Variants in TSG101 observed in about 807,000 individuals in gnomAD.
TSG101 encodes the protein tumor susceptibility gene 101 protein.
A neutral mutation model predicts 48.5 loss-of-function variants in TSG101; 19 were observed. The observed-to-expected ratio is 0.39, with a 90% CI of 0.27 to 0.58. The LOEUF (loss-of-function observed/expected upper bound fraction) is 0.58. TSG101 is among the 20% of genes least tolerant of loss of function. The probability of loss-of-function intolerance (pLI) is 0.55; values close to 1 mark genes in which losing one functional copy is unlikely to be tolerated. For synonymous variants in TSG101, 174 were observed against 169.4 expected (o/e 1.03, Z -0.21); for missense variants, 365 against 484.4 (o/e 0.75, Z 2.31).
At chr11:18,518,940 G>A (rs928370851) in intron 2 of TSG101, among the ~76,000 whole-genome samples, 1 of 152,048 alleles carries the variant, frequency 6.6e-6, no homozygotes, top group African/African-American at 2.4e-5. Flanking sequence ...TTGGGAAATG[G>A]ACTAAATTAT....
chr11:18,485,504 G>C (rs1849607090), intron 7 of TSG101, among the ~76,000 whole-genome samples: 1 of 152,188 alleles, frequency 6.6e-6, no homozygotes, highest in Non-Finnish European at 1.5e-5. Context: ...AGGAGTCCTA[G>C]AGAAAAGGCC....
In TSG101 at chr11:18,516,166, TGAAAG is replaced by T. The variant is rs1565094221; in HGVS notation, c.128-7_128-3del. ...CCCTGGAACTGCCATCGTTAAAAAC[TGAAAG>T]GAAAGAACAATGATTTAATCATGAG... On this transcript the variant is annotated splice_region_variant and splice_polypyrimidine_tract_variant and intron_variant, in intron 2 of 9. Coordinates refer to ENST00000251968, the MANE Select transcript of TSG101 (RefSeq NM_006292.4). The T allele has an allele frequency of 1.9e-6, 3 of 1,613,530 alleles. No homozygotes were observed. The highest frequency in any genetic ancestry group is 2.5e-6 in the Non-Finnish European group (3 of 1,179,640).
intron 2 of TSG101, among the ~76,000 whole-genome samples, chr11:18,518,772 G>A (rs1405238429): frequency 2.6e-5 from 4 of 151,844 alleles, no homozygotes; most frequent in Admixed American, 1.3e-4. Flanking sequence ...ATTCTTGCTC[G>A]TCTCGGTGAT....
In TSG101 at chr11:18,517,147, G is replaced by A. The variant is rs949493511; in HGVS notation, c.128-983C>T. On this transcript the variant is annotated intron_variant, in intron 2 of 9. Coordinates refer to ENST00000251968, the MANE Select transcript of TSG101 (RefSeq NM_006292.4). ...AGCAATCCTCCCACCTCAGCCTTCCGTGTAGCTGGGACTACAGGCGTGCAC... is the reference window on the plus strand; with the variant it reads ...AGCAATCCTCCCACCTCAGCCTTCCATGTAGCTGGGACTACAGGCGTGCAC... Among the ~76,000 whole-genome samples, 6 of 150,456 alleles carry A rather than the reference G, an allele frequency of 4.0e-5. No homozygotes were observed. In the East Asian group the frequency reaches 5.9e-4, roughly 15 times the overall value.
chr11:18,499,274 T>A (rs1849837778), intron 7 of TSG101, among the ~76,000 whole-genome samples: 1 of 131,850 alleles, frequency 7.6e-6, no homozygotes, highest in South Asian at 2.3e-4. Context: ...TTTATATATA[T>A]TTATATATAT....
intron 7 of TSG101, among the ~76,000 whole-genome samples, chr11:18,487,107 C>T (rs1411005925): frequency 4.3e-5 from 5 of 115,176 alleles, no homozygotes; most frequent in Non-Finnish European, 6.7e-5. Flanking sequence ...CATCACACAT[C>T]GGGACCTGTT....
chr11:18,505,518 G>T (rs1390423244), intron 6 of TSG101, among the ~76,000 whole-genome samples: 1 of 152,082 alleles, frequency 6.6e-6, no homozygotes, highest in African/African-American at 2.4e-5. Context: ...CTCCCAAAGT[G>T]CTGGGTGGGA....
At chr11:18,521,557 C>A (rs189644428) in intron 1 of TSG101, among the ~76,000 whole-genome samples, 32 of 150,502 alleles carry the variant, frequency 2.1e-4, no homozygotes, top group Middle Eastern at 3.5e-3. Flanking sequence ...TTCATAGAGA[C>A]AGGATCTCAC....
chr11:18,516,565 C>T (rs1032682511), intron 2 of TSG101, among the ~76,000 whole-genome samples: 1 of 151,948 alleles, frequency 6.6e-6, no homozygotes, highest in African/African-American at 2.4e-5. Flanking sequence ...AGGCTGGTCT[C>T]GAACTCCTAA....
chr11:18,526,554 TTTG>T (rs1349010472), intron 1 of TSG101, among the ~76,000 whole-genome samples: 1 of 152,236 alleles, frequency 6.6e-6, no homozygotes, highest in Non-Finnish European at 1.5e-5. Flanking sequence ...GCTCCACGCC[TTTG>T]TTGACTGTCG....
At chr11:18,482,833 G>C (rs898298772) in intron 8 of TSG101, among the ~76,000 whole-genome samples, 2 of 152,322 alleles carry the variant, frequency 1.3e-5, no homozygotes. Flanking sequence ...AAGATGTGCA[G>C]ATCTTTATCA....
chr11:18,512,754 C>T (rs1171905199), intron 4 of TSG101, among the ~76,000 whole-genome samples: 1 of 127,616 alleles, frequency 7.8e-6, no homozygotes, highest in Non-Finnish European at 1.6e-5. Context: ...GAGACAGTCT[C>T]TCTCACTCTG....
Position 18,481,740 on chromosome 11 carries a change from A to T in TSG101, c.973T>A (p.Tyr325Asn). The T allele has an allele frequency of 6.2e-7, 1 of 1,614,202 alleles. No homozygotes were observed. Among genetic ancestry groups the T allele is most frequent in the Non-Finnish European group, 8.5e-7 (1 of 1,180,030 alleles). Residue 325 changes from tyrosine to asparagine, a missense_variant, in exon 9 of 10, where the codon TAC becomes AAC. By Grantham distance (143) the Tyr-to-Asn change is moderately radical. Coordinates refer to ENST00000251968, the MANE Select transcript of TSG101 (RefSeq NM_006292.4). ...DEVIIPTAPL[Y>N]KQILNLYAEE... Reference sequence around the variant, plus strand: ...GCATACAGATTCAGGATCTGTTTGTATAAGGGAGCTGTGGGAATGATAACT... The same window carrying T: ...GCATACAGATTCAGGATCTGTTTGTTTAAGGGAGCTGTGGGAATGATAACT...
At chr11:18,488,246 TTTTC>T (rs1307123496) in intron 7 of TSG101, among the ~76,000 whole-genome samples, 9 of 152,220 alleles carry the variant, frequency 5.9e-5, no homozygotes, top group Admixed American at 2.6e-4. Flanking sequence ...TTTTTGTTTT[TTTTC>T]TTTTTTTGGT....
Position 18,519,551 on chromosome 11 carries a change from T to A in TSG101, c.95A>T (p.Tyr32Phe). ...ATCCAAAACAGGTTTGAGATCTTTG[T>A]ATAGAGTAATAACATTGACAGTTTC... ...VRETVNVITLYKDLKPVLDSY... is the reference protein window; with the variant it reads ...VRETVNVITLFKDLKPVLDSY... The change falls in exon 2 of 10, where the codon TAC (tyrosine) becomes TTC (phenylalanine). Residue 32 changes from tyrosine (Y) to phenylalanine (F), a missense_variant. Physicochemically the swap from Tyr to Phe is conservative, Grantham distance 22. Transcript: ENST00000251968. The A allele has an allele frequency of 6.2e-7, 1 of 1,613,026 alleles. No individual in the cohort carries two copies. The highest frequency in any genetic ancestry group is 8.5e-7 in the Non-Finnish European group (1 of 1,179,670).
intron 3 of TSG101, 134 bp from the exon 4 acceptor site, chr11:18,514,975 G>C: frequency 1.2e-6 from 1 of 809,306 alleles, no homozygotes; most frequent in Non-Finnish European, 1.8e-6. Context: ...ATTTCCCCCA[G>C]CAGAATTTAT....
At chr11:18,481,183 TCATA>T (rs1849532559) in intron 9 of TSG101, 4 of 720,454 alleles carry the variant, frequency 5.6e-6, no homozygotes, top group Non-Finnish European at 6.8e-6. Flanking sequence ...GAGACAACTT[TCATA>T]CAAGAGGGCT....
intron 4 of TSG101, chr11:18,511,478 C>T (rs189375519): frequency 1.3e-5 from 2 of 152,202 alleles, no homozygotes; most frequent in African/African-American, 2.4e-5. Flanking sequence ...TATACTGAGA[C>T]TCGGGGTGTT....
intron 7 of TSG101, among the ~76,000 whole-genome samples, chr11:18,498,041 T>C (rs1032048482): frequency 4.0e-5 from 6 of 148,828 alleles, no homozygotes; most frequent in African/African-American, 1.5e-4. Context: ...AACTTCTATA[T>C]ACCAAGCACT....
Sources: gnomAD v4.1 joint callset for allele counts (sites outside exome capture counted in the v4.1 genomes callset) on GRCh38, gnomAD v4.1.1 for gene constraint, MANE v1.5 for transcripts, NCBI Gene and HGNC (gene_info 2026-07-23, HGNC 2026-07-21) for gene names.